BCR: variants seen among roughly 807,000 people sequenced by gnomAD.
BCR encodes breakpoint cluster region protein.
A neutral mutation model predicts 138.6 loss-of-function variants in BCR; 58 were observed. The ratio of observed to expected loss-of-function variants is 0.42; its 90% CI spans 0.34 to 0.52. BCR has a LOEUF of 0.52. Ranked by LOEUF, BCR falls within the 20% of genes least tolerant of loss-of-function variation. The pLI is 0.06. For missense variants in BCR, 1,599 were observed against 1,727.2 expected (o/e 0.93, Z 1.32); for synonymous variants, 786 against 730.1 (o/e 1.08, Z -1.23).
At chr22:23,186,221 G>GC (rs2072340978) in intron 1 of BCR, among the ~76,000 whole-genome samples, 2 of 152,222 alleles carry the variant, frequency 1.3e-5, no homozygotes, top group South Asian at 4.1e-4. Flanking sequence ...GGCAGCAAAG[G>GC]CCTGGGGCCA....
At chr22:23,274,572 A>G (rs551464894) in intron 8 of BCR, among the ~76,000 whole-genome samples, 1 of 152,196 alleles carries the variant, frequency 6.6e-6, no homozygotes, top group Non-Finnish European at 1.5e-5. Context: ...TGTCTGGCCC[A>G]GGCAGGACAC....
chr22:23,273,287 T>G (rs144348430), intron 7 of BCR, among the ~76,000 whole-genome samples, 154 bp downstream of exon 7: 1 of 152,262 alleles, frequency 6.6e-6, no homozygotes, highest in Non-Finnish European at 1.5e-5. Flanking sequence ...GTGTTGGACA[T>G]TCTGTAGGGA....
In BCR at chr22:23,233,756, C is replaced by T. The variant is rs533381273; in HGVS notation, c.1280-20043C>T. Among the ~76,000 whole-genome samples, 8 of 147,534 alleles carry T rather than the reference C, an allele frequency of 5.4e-5. No individual in the cohort carries two copies. In the South Asian group the frequency reaches 8.6e-4, roughly 16 times the overall value. ...TGTGAGCTGAGATCACACCACTGCA[C>T]GCCAGCCTGGGTGACAGAGCGAGAC... is the stretch of plus-strand genomic sequence containing the variant. On this transcript the variant is annotated intron_variant, in intron 1 of 22. Transcript: ENST00000305877.
chr22:23,292,817 G>T (rs893091009), intron 15 of BCR, among the ~76,000 whole-genome samples, 179 bp downstream of exon 15: 3 of 152,208 alleles, frequency 2.0e-5, no homozygotes, highest in Non-Finnish European at 4.4e-5. Flanking sequence ...TTATCTCCTT[G>T]TTCCTGAAAA....
At position 23,182,023 on chromosome 22, in the gene BCR, C is replaced by T; in HGVS notation, c.1063C>T (p.Pro355Ser). 6.2e-7 allele frequency: 1 copy of T among 1,613,010 alleles called. No homozygotes were observed. The highest frequency in any genetic ancestry group is 8.5e-7 in the Non-Finnish European group (1 of 1,179,368). Residue 355 changes from proline to serine, a missense_variant, in exon 1 of 23, where the codon CCA (proline) becomes TCA (serine). Pro to Ser is a moderately conservative substitution (Grantham distance 74). Around this residue, in one of 4 missense-constraint regions of BCR, gnomAD observed 806 missense variants for 635.0 expected, o/e 1.27. Transcript: ENST00000305877. ...CTCTGGCCAGTCCAGCCGCGTGTCC[C>T]CAAGCCCCACCACCTACCGCATGTT... is the stretch of plus-strand genomic sequence containing the variant. ...FSSGQSSRVS[P>S]SPTTYRMFRD...
rs115611443 is a variant in BCR at position 23,233,234 on chromosome 22, G to A, written c.1280-20565G>A. ...TGCCTGGATGCTCGGTTCTTGGAGCGAGCTTCCTGAGCAGCCTCTGCAGGC... is the reference window on the plus strand; with the variant it reads ...TGCCTGGATGCTCGGTTCTTGGAGCAAGCTTCCTGAGCAGCCTCTGCAGGC... On this transcript the variant is annotated intron_variant, in intron 1 of 22. Coordinates refer to ENST00000305877, the MANE Select transcript of BCR (RefSeq NM_004327.4). Among the ~76,000 whole-genome samples the A allele has an allele frequency of 3.8e-3, 576 of 152,268 alleles. 3 individuals carry two copies. Among genetic ancestry groups the A allele is most frequent in the African/African-American group, 0.013 (537 of 41,546 alleles).
At chr22:23,256,229 C>T (rs2073293499) in intron 2 of BCR, among the ~76,000 whole-genome samples, 1 of 152,190 alleles carries the variant, frequency 6.6e-6, no homozygotes, top group Admixed American at 6.5e-5. Flanking sequence ...CATCAGGCTG[C>T]TCATCCCTCT....
In BCR at chr22:23,312,877, C is replaced by T. The variant is rs774694545; in HGVS notation, c.3323-10C>T. 1.3e-5 allele frequency: 20 copies of T among 1,595,942 alleles called. No individual in the cohort carries two copies. Among genetic ancestry groups the T allele is most frequent in the Admixed American group, 1.0e-4 (6 of 59,966 alleles). ...TCAAGGAGGCCGCTGCATTTCCGTGCTCTTTCCAGATAACAAGGACGTGTC... is the reference window on the plus strand; with the variant it reads ...TCAAGGAGGCCGCTGCATTTCCGTGTTCTTTCCAGATAACAAGGACGTGTC... On this transcript the variant is annotated splice_polypyrimidine_tract_variant and intron_variant, in intron 19 of 22. Transcript: ENST00000305877.
chr22:23,210,562 C>G (rs2072669731), intron 1 of BCR, among the ~76,000 whole-genome samples: 1 of 152,142 alleles, frequency 6.6e-6, no homozygotes, highest in South Asian at 2.1e-4. Flanking sequence ...GGTGTGACAG[C>G]GTTCTGTAGC....
chr22:23,253,620 C>T (rs979393563), intron 1 of BCR, among the ~76,000 whole-genome samples, 179 bp from the exon 2 acceptor site: 5 of 152,136 alleles, frequency 3.3e-5, no homozygotes, highest in African/African-American at 1.2e-4. Context: ...TCATGTTCAT[C>T]CCCCCTCACC....
rs762134262 is a variant in BCR at position 23,292,600 on chromosome 22, C to T, written c.2842C>T (p.Arg948Cys). 1.4e-5 allele frequency: 22 copies of T among 1,613,454 alleles called. No homozygotes were observed. The East Asian group carries it at 3.6e-4, about 26-fold the overall frequency. ...FGYFVNKAKT[R>C]VYRDTAEPNW... Reference sequence around the variant, plus strand: ...GTATTTTGTGAATAAAGCAAAGACGCGCGTCTACAGGGACACAGCTGAGCC... The same window carrying T: ...GTATTTTGTGAATAAAGCAAAGACGTGCGTCTACAGGGACACAGCTGAGCC... Residue 948 changes from arginine (R) to cysteine (C), a missense_variant, in exon 15 of 23, where the codon CGC becomes TGC. Arg to Cys is a radical substitution (Grantham distance 180, BLOSUM62 -3). Coordinates refer to ENST00000305877, the MANE Select transcript of BCR (RefSeq NM_004327.4).
Position 23,304,065 on chromosome 22 carries a change from C to G in BCR, c.3013-5359C>G, listed in dbSNP as rs1332958575. On this transcript the variant is annotated intron_variant, in intron 16 of 22. Coordinates refer to ENST00000305877, the MANE Select transcript of BCR (RefSeq NM_004327.4). ...CTTCCTACCTTAGCCTCTCAAGTAGCTGGGACCACAGGCATGCGCCACCAT... is the reference window on the plus strand; with the variant it reads ...CTTCCTACCTTAGCCTCTCAAGTAGGTGGGACCACAGGCATGCGCCACCAT... Among the ~76,000 whole-genome samples, 11 of 148,434 alleles carry G rather than the reference C, an allele frequency of 7.4e-5. No homozygotes were observed. In the South Asian group the frequency reaches 2.1e-3, roughly 29 times the overall value.
At chr22:23,190,866 G>A (rs2072404161) in intron 1 of BCR, among the ~76,000 whole-genome samples, 1 of 152,040 alleles carries the variant, frequency 6.6e-6, no homozygotes, top group African/African-American at 2.4e-5. Context: ...AAGTAGGGGT[G>A]GGAACAGGTC....
chr22:23,304,881 A>G (rs1314929059), intron 16 of BCR, among the ~76,000 whole-genome samples: 1 of 152,168 alleles, frequency 6.6e-6, no homozygotes, highest in African/African-American at 2.4e-5. Context: ...TTAGGAGGCC[A>G]AGTTGGGTGG....
chr22:23,268,050 A>T (rs1314633413), intron 4 of BCR, among the ~76,000 whole-genome samples: 6 of 152,236 alleles, frequency 3.9e-5, no homozygotes, highest in African/African-American at 1.4e-4. Context: ...CCAGAATGGG[A>T]AAGTGCTGAG....
intron 1 of BCR, among the ~76,000 whole-genome samples, chr22:23,209,422 T>C (rs2072655593): frequency 6.6e-6 from 1 of 152,218 alleles, no homozygotes; most frequent in African/African-American, 2.4e-5. Flanking sequence ...ACACACATTT[T>C]GTTTATCCAT....
chr22:23,243,643 T>C (rs1279304012), intron 1 of BCR, among the ~76,000 whole-genome samples: 1 of 148,726 alleles, frequency 6.7e-6, no homozygotes, highest in South Asian at 2.2e-4. Context: ...TGAGCTGTTC[T>C]AGCAATTTTT....
chr22:23,281,521 C>T (rs900627854), intron 8 of BCR, among the ~76,000 whole-genome samples: 5 of 152,210 alleles, frequency 3.3e-5, no homozygotes, highest in East Asian at 1.9e-4. Flanking sequence ...ACATAGGCCA[C>T]GCCATGTGGG....
At chr22:23,251,388 C>T (rs1251047396) in intron 1 of BCR, 1 of 152,116 alleles carries the variant, frequency 6.6e-6, no homozygotes, top group East Asian at 1.9e-4. Context: ...CAAAGCCTCC[C>T]AGGTGTTGCC....
Sources: gnomAD v4.1 joint callset for allele counts (sites outside exome capture counted in the v4.1 genomes callset) on GRCh38, gnomAD v4.1.1 for gene constraint, gnomAD v4.1.1 regional missense constraint, MANE v1.5 for transcripts, NCBI Gene and HGNC (gene_info 2026-07-23, HGNC 2026-07-21) for gene names.